TEX30: variants seen among roughly 807,000 people sequenced by gnomAD.
TEX30 encodes the protein testis-expressed protein 30.
In TEX30, 14 loss-of-function variants were observed where a neutral mutation model predicts 23.8. That is an observed-to-expected ratio of 0.59 (90% confidence interval 0.39 to 0.92). TEX30 has a LOEUF of 0.92. Among genes scored for constraint, TEX30 ranks in the 40% least tolerant of loss-of-function variants. TEX30 has a pLI of 0.00. For synonymous variants in TEX30, 78 were observed against 90.2 expected (o/e 0.87, Z 0.76); for missense variants, 246 against 270.6 (o/e 0.91, Z 0.64).
intron 1 of TEX30, chr13:102,773,384 C>T (rs1877471002): frequency 1.3e-5 from 2 of 152,062 alleles, no homozygotes; most frequent in Admixed American, 6.5e-5. Context: ...AACTCCGAGG[C>T]TACTTCGAGC....
At chr13:102,766,728 A>C (rs1876914283) in intron 5 of TEX30, 148 bp from the exon 6 acceptor site, 1 of 672,472 alleles carries the variant, frequency 1.5e-6, no homozygotes, top group South Asian at 3.0e-5. Context: ...ATGTGTGAGG[A>C]AATGTCCGTA....
At chr13:102,768,212 C>T in intron 4 of TEX30, 48 bp downstream of exon 4, 1 of 1,414,740 alleles carries the variant, frequency 7.1e-7, no homozygotes, top group Non-Finnish European at 9.8e-7. Flanking sequence ...TTACCTATTC[C>T]TATATTAAAA....
chr13:102,770,166 A>G lies in TEX30; in HGVS notation c.-60-80T>C, dbSNP rs868397159. ...AAAACTATGAATGAACACATTCAGT[A>G]GCTAAAATAAACATTTAGAATTACT... On this transcript the variant is annotated intron_variant, in intron 1 of 5. Transcript: ENST00000376032. 1.3e-5 allele frequency: 6 copies of G among 457,918 alleles called. No individual in the cohort carries two copies. In the South Asian group the frequency reaches 6.0e-4, roughly 46 times the overall value. The allele number at this position is 457,918 out of a possible 1,614,324, so 28.4% of individuals were successfully genotyped here.
rs1012631006 is a variant in TEX30 at position 102,770,273 on chromosome 13, G to T, written c.-60-187C>A. 1.2e-5 allele frequency: 4 copies of T among 336,170 alleles called. No individual in the cohort carries two copies. In the South Asian group the frequency reaches 6.0e-4, roughly 50 times the overall value. 20.8% of individuals were successfully genotyped at this position (336,170 alleles called of 1,614,324 possible). On this transcript the variant is annotated intron_variant, in intron 1 of 5. Transcript: ENST00000376032. Reference sequence around the variant, plus strand: ...TAGAGGGCCAGGTGCAGGGTTGGTAGATGTTATAGAAGATAAAACAAAGGT... The same window carrying T: ...TAGAGGGCCAGGTGCAGGGTTGGTATATGTTATAGAAGATAAAACAAAGGT...
At chr13:102,766,748 G>C (rs1419698412) in intron 5 of TEX30, among the ~76,000 whole-genome samples, 168 bp from the exon 6 acceptor site, 1 of 152,178 alleles carries the variant, frequency 6.6e-6, no homozygotes, top group Non-Finnish European at 1.5e-5. Context: ...AAAAGTGGCA[G>C]TCCACTTCTC....
intron 3 of TEX30, among the ~76,000 whole-genome samples, chr13:102,768,538 A>C (rs1877075847): frequency 6.6e-6 from 1 of 152,362 alleles, no homozygotes; most frequent in South Asian, 2.1e-4. Flanking sequence ...TGAGAAAAAA[A>C]GTCAATCTAC....
At chr13:102,769,587 A>G in intron 2 of TEX30, 46 bp from the exon 3 acceptor site, 8 of 1,214,396 alleles carry the variant, frequency 6.6e-6, no homozygotes, top group Non-Finnish European at 9.4e-6. Flanking sequence ...TTTCTTGCCT[A>G]TTAAGACAAC....
intron 2 of TEX30, 92 bp from the exon 3 acceptor site, chr13:102,769,633 A>G (rs1027132037): frequency 1.3e-6 from 1 of 748,964 alleles, no homozygotes; most frequent in Admixed American, 3.3e-5. Flanking sequence ...TGTGAGGCTC[A>G]TAATTCAAGT....
rs773698468 is a variant in TEX30 at position 102,769,341 on chromosome 13, T to C, written c.216A>G (p.Val72=). The change falls in exon 3 of 6, where the codon GTA becomes GTG. Residue 72 remains valine (V), a synonymous_variant. Coordinates refer to ENST00000376032, the MANE Select transcript of TEX30 (RefSeq NM_138779.5). ...LRFTCKGLNI[V]HRIKAYKSVL... ...CTGATTTATACGCCTTAATTCTATG[T>C]ACAATATTAAGGCCTTTACAGGTAA... 7.6e-6 allele frequency: 12 copies of C among 1,570,528 alleles called. No individual in the cohort carries two copies. Among genetic ancestry groups the C allele is most frequent in the Non-Finnish European group, 1.0e-5 (12 of 1,165,372 alleles).
intron 3 of TEX30, among the ~76,000 whole-genome samples, chr13:102,768,645 T>G (rs1877081434): frequency 1.3e-5 from 2 of 152,246 alleles, no homozygotes; most frequent in African/African-American, 4.8e-5. Flanking sequence ...TTGATAATGT[T>G]AACATCTAAA....
At chr13:102,767,525 A>G in intron 4 of TEX30, 47 bp from the exon 5 acceptor site, 1 of 1,583,206 alleles carries the variant, frequency 6.3e-7, no homozygotes, top group Non-Finnish European at 8.6e-7. Flanking sequence ...AAACTTTCAC[A>G]TAAAGTAGCA....
In TEX30 at chr13:102,769,691, GCTTA is replaced by G. The variant is rs574290793; in HGVS notation, c.16-154_16-151del. ...GTGATATTAATAATAGTAGTTAAGT[GCTTA>G]CTGTGTCGGGTATTATTATAAGTGC... On this transcript the variant is annotated intron_variant, in intron 2 of 5. Coordinates refer to ENST00000376032, the MANE Select transcript of TEX30 (RefSeq NM_138779.5). The G allele has an allele frequency of 1.0e-5, 6 of 593,444 alleles. No individual in the cohort carries two copies. In the South Asian group the frequency reaches 1.4e-4, roughly 14 times the overall value. 36.8% of individuals were successfully genotyped at this position (593,444 alleles called of 1,614,324 possible).
chr13:102,768,335 GTTC>G, intron 3 of TEX30, 24 bp from the exon 4 acceptor site: 1 of 1,464,866 alleles, frequency 6.8e-7, no homozygotes, highest in Non-Finnish European at 9.4e-7. Context: ...AAAATCATCA[GTTC>G]TTCACCTATA....
intron 2 of TEX30, 179 bp from the exon 3 acceptor site, chr13:102,769,720 C>T: frequency 1.8e-6 from 1 of 552,118 alleles, no homozygotes; most frequent in Non-Finnish European, 3.1e-6. Flanking sequence ...ATTATAAGTG[C>T]TTTATATGTA....
At chr13:102,770,234 C>G (rs539834594) in intron 1 of TEX30, 148 bp from the exon 2 acceptor site, 18 of 375,638 alleles carry the variant, frequency 4.8e-5, no homozygotes, top group African/African-American at 3.5e-4. Flanking sequence ...TTTCTACGGG[C>G]ACTCAGAATT....
Position 102,767,298 on chromosome 13 carries a change from C to T in TEX30, c.479G>A (p.Gly160Asp). 1 of 1,613,832 alleles carries T rather than the reference C, an allele frequency of 6.2e-7. No individual in the cohort carries two copies. The highest frequency in any genetic ancestry group is 8.5e-7 in the Non-Finnish European group (1 of 1,180,006). The change falls in exon 5 of 6, where the codon GGC becomes GAC. Residue 160 changes from glycine to aspartate, a missense_variant. Coordinates refer to ENST00000376032, the MANE Select transcript of TEX30 (RefSeq NM_138779.5). ...RLKEPVLFVS[G>D]SADEMCEKNL... ...CTTTTCACACATTTCATCTGCTGAG[C>T]CTGACACAAACAGTACAGGCTCTTT...
chr13:102,772,141 CTATT>C (rs1566428939), intron 1 of TEX30, among the ~76,000 whole-genome samples: 1 of 150,012 alleles, frequency 6.7e-6, no homozygotes. Flanking sequence ...GAATGCTTCC[CTATT>C]TTTTTTTTTT....
rs1877140658 is a variant in TEX30 at position 102,769,364 on chromosome 13, T to C, written c.193A>G (p.Thr65Ala). 1.2e-6 allele frequency: 2 copies of C among 1,602,580 alleles called. No individual in the cohort carries two copies. Among genetic ancestry groups the C allele is most frequent in the Non-Finnish European group, 1.7e-6 (2 of 1,176,366 alleles). ...ASHGFFCLRF[T>A]CKGLNIVHRI... Reference sequence around the variant, plus strand: ...TGTACAATATTAAGGCCTTTACAGGTAAATCTCAGGCAGAAAAACCCATGA... The same window carrying C: ...TGTACAATATTAAGGCCTTTACAGGCAAATCTCAGGCAGAAAAACCCATGA... Residue 65 changes from threonine to alanine, a missense_variant, in exon 3 of 6, where the codon ACC (threonine) becomes GCC (alanine). By Grantham distance (58) the Thr-to-Ala change is moderately conservative. Coordinates refer to ENST00000376032, the MANE Select transcript of TEX30 (RefSeq NM_138779.5).
intron 4 of TEX30, among the ~76,000 whole-genome samples, 168 bp from the exon 5 acceptor site, chr13:102,767,646 C>T (rs938283173): frequency 1.3e-5 from 2 of 152,170 alleles, no homozygotes; most frequent in African/African-American, 4.8e-5. Context: ...GGCACGGTGG[C>T]TCACACCTGT....
Sources: gnomAD v4.1 joint callset for allele counts (sites outside exome capture counted in the v4.1 genomes callset) on GRCh38, gnomAD v4.1.1 for gene constraint, MANE v1.5 for transcripts, NCBI Gene and HGNC (gene_info 2026-07-23, HGNC 2026-07-21) for gene names.